The following CDKAL1 variants were observed in gnomAD, a reference collection of about 807,000 sequenced individuals.
CDKAL1 encodes the protein threonylcarbamoyladenosine tRNA methylthiotransferase.
Under a neutral mutation model 68.2 loss-of-function variants are expected in CDKAL1, and 32 were observed. The ratio of observed to expected loss-of-function variants is 0.47; its 90% confidence interval spans 0.35 to 0.63. CDKAL1 has a LOEUF of 0.63. Among genes scored for constraint, CDKAL1 ranks in the 30% least tolerant of loss-of-function variants. The probability of loss-of-function intolerance (pLI) is 0.00; values close to 1 mark genes in which losing one functional copy is unlikely to be tolerated. For synonymous variants in CDKAL1, 234 were observed against 244.3 expected, an observed-to-expected ratio of 0.96 and a Z score of 0.39; for missense variants, 606 against 696.7, an observed-to-expected ratio of 0.87 and a Z score of 1.47.
intron 5 of CDKAL1, among the ~76,000 whole-genome samples, chr6:20,730,843 C>CAAAA (rs34407999): frequency 8.6e-6 from 1 of 116,282 alleles, no homozygotes; most frequent in Admixed American, 8.9e-5. Flanking sequence ...GACTCCGTCT[C>CAAAA]AAAAAAAAAA....
intron 7 of CDKAL1, among the ~76,000 whole-genome samples, chr6:20,777,734 T>C (rs760990130): frequency 6.6e-6 from 1 of 152,234 alleles, no homozygotes; most frequent in Non-Finnish European, 1.5e-5. Context: ...AGATCCCCAG[T>C]GGATGCCTGC....
intron 11 of CDKAL1, among the ~76,000 whole-genome samples, chr6:21,030,169 T>A (rs1462910944): frequency 3.9e-5 from 6 of 152,194 alleles, no homozygotes; most frequent in African/African-American, 1.4e-4. Flanking sequence ...TGAGATCATG[T>A]TCTTTGCAGC....
chr6:21,169,841 G>T lies in CDKAL1; in HGVS notation c.1300-28180G>T, dbSNP rs1777302501. ...TCTTGCATGGTAGCAGGCAAGAGAG[G>T]GTTTGCAGAAGAACTCCCTTTTGTA... On this transcript the variant is annotated intron_variant, in intron 13 of 15. Transcript: ENST00000274695. 2.0e-5 allele frequency among the ~76,000 whole-genome samples: 3 copies of T among 152,012 alleles called. No individual in the cohort carries two copies. The South Asian group carries it at 6.2e-4, about 32-fold the overall frequency.
chr6:21,013,951 T>C (rs1768159214), intron 11 of CDKAL1, among the ~76,000 whole-genome samples: 1 of 152,196 alleles, frequency 6.6e-6, no homozygotes, highest in Non-Finnish European at 1.5e-5. Context: ...TGGTGGACAG[T>C]CCACAGCATC....
chr6:21,093,864 G>T (rs1033461538), intron 12 of CDKAL1, among the ~76,000 whole-genome samples: 26 of 149,840 alleles, frequency 1.7e-4, no homozygotes, highest in African/African-American at 6.1e-4. Context: ...GAGTAGCTGG[G>T]TGTGACGGTA....
chr6:20,817,995 C>T (rs775227225), intron 8 of CDKAL1, among the ~76,000 whole-genome samples: 12 of 152,152 alleles, frequency 7.9e-5, no homozygotes, highest in Non-Finnish European at 1.8e-4. Flanking sequence ...CCTTTTCCTT[C>T]CACTCTGACC....
chr6:20,711,077 T>C (rs1465289498), intron 5 of CDKAL1, among the ~76,000 whole-genome samples: 1 of 152,172 alleles, frequency 6.6e-6, no homozygotes, highest in East Asian at 1.9e-4. Flanking sequence ...GGTGTGGCTT[T>C]TTAGTAGGAT....
chr6:20,697,842 T>C (rs1406713099), intron 5 of CDKAL1, among the ~76,000 whole-genome samples: 3 of 152,202 alleles, frequency 2.0e-5, no homozygotes, highest in Non-Finnish European at 4.4e-5. Flanking sequence ...TAGTAATCAT[T>C]GCTATCTCCT....
rs13215945 is a variant in CDKAL1 at position 20,926,444 on chromosome 6, T to C, written c.743-28975T>C. 3.0e-3 allele frequency among the ~76,000 whole-genome samples: 461 copies of C among 152,136 alleles called. 2 individuals are homozygous for C. The highest frequency in any genetic ancestry group is 8.4e-3 in the African/African-American group (350 of 41,530). ...TCAGGAAAATTAAAATAAGTTGAAA[T>C]TGTTTGATTTGGACAGAAGAATCAA... On this transcript the variant is annotated intron_variant, in intron 9 of 15. Coordinates refer to ENST00000274695, the MANE Select transcript of CDKAL1 (RefSeq NM_017774.3).
At chr6:20,545,195 G>A (rs1285051391) in intron 2 of CDKAL1, among the ~76,000 whole-genome samples, 1 of 151,694 alleles carries the variant, frequency 6.6e-6, no homozygotes, top group Non-Finnish European at 1.5e-5. Flanking sequence ...ATATTCCTTG[G>A]GTCCTGAGGT....
intron 7 of CDKAL1, among the ~76,000 whole-genome samples, chr6:20,780,387 C>T (rs1775367732): frequency 6.6e-6 from 1 of 151,748 alleles, no homozygotes; most frequent in African/African-American, 2.4e-5. Context: ...AATTTTATCT[C>T]AGCTTTTTGT....
chr6:21,166,693 A>T (rs1582339709), intron 13 of CDKAL1, among the ~76,000 whole-genome samples: 1 of 152,320 alleles, frequency 6.6e-6, no homozygotes, highest in Non-Finnish European at 1.5e-5. Flanking sequence ...ATAGTAGAAC[A>T]TTTTGATTGA....
At chr6:20,992,990 C>G (rs11964880) in intron 10 of CDKAL1, among the ~76,000 whole-genome samples, 17,675 of 151,188 alleles carry the variant, frequency 0.12, 2,024 homozygotes, top group African/African-American at 0.3. Flanking sequence ...AGTCAGAAAA[C>G]AAGTCACATA....
chr6:21,079,056 T>C (rs966279971), intron 12 of CDKAL1, among the ~76,000 whole-genome samples: 13 of 152,078 alleles, frequency 8.5e-5, no homozygotes, highest in Admixed American at 6.6e-4. Flanking sequence ...AGAGGAAGAA[T>C]GGCTGTTACA....
At position 20,771,944 on chromosome 6, in the gene CDKAL1, C is replaced by T. The variant is rs148594931; in HGVS notation, c.518-9201C>T. Reference sequence around the variant, plus strand: ...TTAAACCTCTTTTCTTTATAAATTACGCAGCCTCAGGTATTCCTTTATAGC... The same window carrying T: ...TTAAACCTCTTTTCTTTATAAATTATGCAGCCTCAGGTATTCCTTTATAGC... On this transcript the variant is annotated intron_variant, in intron 7 of 15. Transcript: ENST00000274695. 4.3e-4 allele frequency among the ~76,000 whole-genome samples: 66 copies of T among 152,306 alleles called. 1 individual carries two copies. The highest frequency in any genetic ancestry group is 1.4e-3 in the African/African-American group (58 of 41,558).
intron 9 of CDKAL1, among the ~76,000 whole-genome samples, chr6:20,884,265 A>G (rs1165252092): frequency 1.3e-5 from 2 of 151,962 alleles, no homozygotes; most frequent in African/African-American, 2.4e-5. Context: ...CCAACACTTC[A>G]TCTCAGGAAT....
chr6:20,580,820 G>A (rs887333391), intron 4 of CDKAL1, among the ~76,000 whole-genome samples: 2 of 150,816 alleles, frequency 1.3e-5, no homozygotes, highest in Admixed American at 6.6e-5. Context: ...ATGGAGTTTC[G>A]CTTTTGTTGC....
At chr6:21,226,776 G>A (rs1003779727) in intron 15 of CDKAL1, among the ~76,000 whole-genome samples, 3 of 152,074 alleles carry the variant, frequency 2.0e-5, no homozygotes, top group Non-Finnish European at 2.9e-5. Context: ...GCAGTGGCGC[G>A]ATCTCGGCTC....
intron 13 of CDKAL1, among the ~76,000 whole-genome samples, chr6:21,118,746 G>A (rs73383743): frequency 6.6e-6 from 1 of 152,138 alleles, no homozygotes; most frequent in Non-Finnish European, 1.5e-5. Flanking sequence ...GGGTACCTTT[G>A]AGAATTCCAG....
Sources: allele counts gnomAD v4.1 joint callset (sites outside exome capture counted in the v4.1 genomes callset), GRCh38; gene constraint gnomAD v4.1.1; transcripts MANE v1.5; gene names NCBI Gene and HGNC (gene_info 2026-07-23, HGNC 2026-07-21).